CECR2: variants seen among roughly 807,000 people sequenced by gnomAD.
CECR2 encodes the protein CECR2 histone acetyl-lysine reader.
In CECR2, 30 loss-of-function variants were observed where a neutral mutation model predicts 154.5. The ratio of observed to expected loss-of-function variants is 0.19; its 90% CI spans 0.15 to 0.26. The LOEUF (loss-of-function observed/expected upper bound fraction) is 0.26. Among genes scored for constraint, CECR2 ranks in the 10% least tolerant of loss-of-function variants. The probability of loss-of-function intolerance (pLI) is 1.00; values close to 1 mark genes in which losing one functional copy is unlikely to be tolerated. For synonymous variants in CECR2, 725 were observed against 683.7 expected, an observed-to-expected ratio of 1.06 and a Z score of -0.94; for missense variants, 1,743 against 1,829.3, an observed-to-expected ratio of 0.95 and a Z score of 0.86.
chr22:17,450,361 C>A (rs895626910), intron 1 of CECR2, among the ~76,000 whole-genome samples: 1 of 152,210 alleles, frequency 6.6e-6, no homozygotes, highest in Admixed American at 6.5e-5. Context: ...ACCTCTGCCT[C>A]CCGTGTTCAA....
rs187381591 is a variant in CECR2, at chr22:17,514,361, G to T, written c.954+2465G>T. Among the ~76,000 whole-genome samples, 7 of 152,296 alleles carry T rather than the reference G, an allele frequency of 4.6e-5. No homozygotes were observed. The East Asian group carries it at 1.4e-3, about 29-fold the overall frequency. On this transcript the variant is annotated intron_variant, in intron 8 of 18. Coordinates refer to ENST00000262608, the MANE Select transcript of CECR2 (RefSeq NM_001290047.2). ...AGGGGAGCGTGTAAGGGCACAGCAT[G>T]TTGGGCATTGCTTAAACCAGGGGTT...
chr22:17,508,326 G>T (rs965830682), intron 7 of CECR2, among the ~76,000 whole-genome samples: 1 of 151,766 alleles, frequency 6.6e-6, no homozygotes, highest in Non-Finnish European at 1.5e-5. Flanking sequence ...CACGGACTCA[G>T]CAGAGCAACT....
intron 1 of CECR2, among the ~76,000 whole-genome samples, chr22:17,408,930 G>A (rs1047749876): frequency 2.6e-5 from 4 of 151,946 alleles, no homozygotes; most frequent in South Asian, 2.1e-4. Context: ...TCCTTACCTC[G>A]TACCATTCTC....
At chr22:17,480,153 T>G (rs1001216369) in intron 2 of CECR2, among the ~76,000 whole-genome samples, 16 of 152,106 alleles carry the variant, frequency 1.1e-4, no homozygotes, top group African/African-American at 3.9e-4. Flanking sequence ...CTTGAGTTAG[T>G]ATTCTTTTGA....
intron 1 of CECR2, among the ~76,000 whole-genome samples, chr22:17,450,966 C>T (rs1485996298): frequency 6.6e-6 from 1 of 152,252 alleles, no homozygotes; most frequent in Non-Finnish European, 1.5e-5. Flanking sequence ...CTTTTCGTTG[C>T]ACCTTCTATT....
chr22:17,509,705 G>A (rs1349987424), intron 7 of CECR2, among the ~76,000 whole-genome samples: 3 of 152,104 alleles, frequency 2.0e-5, no homozygotes, highest in Non-Finnish European at 1.5e-5. Flanking sequence ...CCATGTCAAT[G>A]TACAGAGCAT....
At chr22:17,369,307 G>GCGCCC (rs1463972084), upstream of CECR2, 3 of 151,092 alleles carry the variant, frequency 2.0e-5, no homozygotes, top group Non-Finnish European at 3.0e-5. Context: ...CCGGGGGCGC[G>GCGCCC]CGCCCCGCCC....
At chr22:17,435,702 AAAAAAAAACAG>A (rs1390950926) in intron 1 of CECR2, among the ~76,000 whole-genome samples, 11 of 149,766 alleles carry the variant, frequency 7.3e-5, no homozygotes, top group Non-Finnish European at 1.3e-4. Context: ...AAAAAAAAAA[AAAAAAAAACAG>A]GAGCAGGACC....
chr22:17,495,567 T>TAA (rs35952986), intron 2 of CECR2, among the ~76,000 whole-genome samples: 16,293 of 124,696 alleles, frequency 0.13, 1,346 homozygotes, highest in Non-Finnish European at 0.17. Context: ...AAAACTCCAT[T>TAA]AAAAAAAAAA....
chr22:17,393,075 T>C lies in CECR2; in HGVS notation c.126+23166T>C, dbSNP rs555139590. 2.0e-5 allele frequency among the ~76,000 whole-genome samples: 3 copies of C among 152,252 alleles called. No homozygotes were observed. In the South Asian group the frequency reaches 6.2e-4, roughly 32 times the overall value. ...GTTCCAGTTAGTGGGTTTTAGTATA[T>C]TTACAAATAGTTACAACTGTTGCCA... On this transcript the variant is annotated intron_variant, in intron 1 of 18. Coordinates refer to ENST00000262608, the MANE Select transcript of CECR2 (RefSeq NM_001290047.2).
At chr22:17,404,361 G>GTTTTTTTTTTTT (rs2053945581) in intron 1 of CECR2, among the ~76,000 whole-genome samples, 4 of 74,806 alleles carry the variant, frequency 5.3e-5, no homozygotes, top group African/African-American at 1.2e-4. Context: ...TCTGGACCCT[G>GTTTTTTTTTTTT]TTCTTTCTTT....
At chr22:17,528,843 A>G (rs936124714) in intron 9 of CECR2, among the ~76,000 whole-genome samples, 1 of 152,130 alleles carries the variant, frequency 6.6e-6, no homozygotes, top group Non-Finnish European at 1.5e-5. Flanking sequence ...CAGAAGTACT[A>G]TTTTCATTCC....
rs200337384 is a variant in CECR2 at position 17,504,424 on chromosome 22, A to ATTTTT, written c.701-419_701-415dup. 2.0e-5 allele frequency among the ~76,000 whole-genome samples: 3 copies of ATTTTT among 148,582 alleles called. No homozygotes were observed. In the East Asian group the frequency reaches 5.8e-4, roughly 29 times the overall value. ...GTCTCTTTTTTGAGTTCCTTATTTTATTTTTTTTATTTTTATTTATTTATT... is the reference window on the plus strand; with the variant it reads ...GTCTCTTTTTTGAGTTCCTTATTTTATTTTTTTTTTTTTATTTTTATTTATTTATT... On this transcript the variant is annotated intron_variant, in intron 6 of 18. Coordinates refer to ENST00000262608, the MANE Select transcript of CECR2 (RefSeq NM_001290047.2).
At chr22:17,372,736 G>A (rs2063075223) in intron 1 of CECR2, among the ~76,000 whole-genome samples, 1 of 152,124 alleles carries the variant, frequency 6.6e-6, no homozygotes, top group South Asian at 2.1e-4. Flanking sequence ...TAGGCCATGT[G>A]GAAGGGCCCT....
chr22:17,478,161 G>C (rs1161063759), intron 2 of CECR2, among the ~76,000 whole-genome samples: 1 of 152,032 alleles, frequency 6.6e-6, no homozygotes, highest in Non-Finnish European at 1.5e-5. Context: ...GGAGAGTCCT[G>C]ATAGGACCTC....
At chr22:17,550,316 T>A (rs1291924073) in intron 17 of CECR2, 1 of 185,614 alleles carries the variant, frequency 5.4e-6, no homozygotes, top group Admixed American at 6.0e-5. Flanking sequence ...CCTGGCTGAG[T>A]TTTGTATGAT....
At chr22:17,452,652 T>A (rs2054790239) in intron 1 of CECR2, among the ~76,000 whole-genome samples, 1 of 152,136 alleles carries the variant, frequency 6.6e-6, no homozygotes, top group African/African-American at 2.4e-5. Context: ...GAGGAATACT[T>A]GTGGAGTGAG....
At chr22:17,425,342 G>A (rs1016111547) in intron 1 of CECR2, among the ~76,000 whole-genome samples, 8 of 152,070 alleles carry the variant, frequency 5.3e-5, no homozygotes, top group East Asian at 1.9e-4. Flanking sequence ...GCTTAGAGCC[G>A]TCAAACTGCC....
chr22:17,472,085 G>T (rs1205297574), intron 1 of CECR2, among the ~76,000 whole-genome samples: 1 of 152,140 alleles, frequency 6.6e-6, no homozygotes, highest in African/African-American at 2.4e-5. Context: ...TTGATGCAAG[G>T]CTGAGAGGAA....
Sources: allele counts gnomAD v4.1 joint callset (sites outside exome capture counted in the v4.1 genomes callset), GRCh38; gene constraint gnomAD v4.1.1; transcripts MANE v1.5; gene names NCBI Gene and HGNC (gene_info 2026-07-23, HGNC 2026-07-21).